Variants in TRAPPC12 observed in about 807,000 individuals in gnomAD.
The protein encoded by TRAPPC12 is trafficking protein particle complex subunit 12.
TRAPPC12 carries 61 observed loss-of-function variants against 69.2 expected under a neutral mutation model. That is an observed-to-expected ratio of 0.88 (90% confidence interval 0.72 to 1.09). TRAPPC12 has a LOEUF of 1.09. Ranked by LOEUF, TRAPPC12 falls within the 50% of genes least tolerant of loss-of-function variation. The pLI, the probability that TRAPPC12 is intolerant of heterozygous loss-of-function variation, is 0.00. For synonymous variants in TRAPPC12, 469 were observed against 438.9 expected, an observed-to-expected ratio of 1.07 and a Z score of -0.86; for missense variants, 1,101 against 1,016.4, an observed-to-expected ratio of 1.08 and a Z score of -1.13.
In TRAPPC12 at chr2:3,424,601, GAAA is replaced by G. The variant is rs1214473819; in HGVS notation, c.1356_1358del (p.Asn453del). 1.9e-6 allele frequency: 3 copies of G among 1,614,114 alleles called. No individual in the cohort carries two copies. The highest frequency in any genetic ancestry group is 1.7e-6 in the Non-Finnish European group (2 of 1,180,002). ...GCTGAGATGGAATTTGAACCCTTCG[GAAA>G]TCTTGATCAGCCAGATCTTTATTAC... On this transcript the variant is annotated inframe_deletion, in exon 5 of 12. Transcript: ENST00000324266.
Position 3,424,647 on chromosome 2 carries a change from G to T in TRAPPC12, c.1401G>T (p.Val467=). The change falls in exon 5 of 12, where the codon GTG becomes GTT. Residue 467 remains valine (V), a synonymous_variant. Transcript: ENST00000324266. Reference sequence around the variant, plus strand: ...TTTATTACGAGTACTACCCGCACGTGTACCCTGGGCGCAGGGGTAAGGCCA... The same window carrying T: ...TTTATTACGAGTACTACCCGCACGTTTACCCTGGGCGCAGGGGTAAGGCCA... ...PDLYYEYYPH[V]YPGRRGSMVP... 1 of 1,610,500 alleles carries T rather than the reference G, an allele frequency of 6.2e-7. No homozygotes were observed. Among genetic ancestry groups the T allele is most frequent in the Non-Finnish European group, 8.5e-7 (1 of 1,178,658 alleles).
rs375788222 is a variant in TRAPPC12 at position 3,387,677 on chromosome 2, C to A, written c.54C>A (p.Pro18=). The A allele has an allele frequency of 1.1e-5, 17 of 1,558,240 alleles. No individual in the cohort carries two copies. The highest frequency in any genetic ancestry group is 2.4e-5 in the South Asian group (2 of 84,656). ...CCCCGGCCCCGGAGGCCCCGCACCC[C>A]CCTCAGCTCGCGCCTCCGGAGGAGC... ...EETPAPEAPH[P]PQLAPPEEQG... The change falls in exon 2 of 12, where the codon CCC becomes CCA. Residue 18 remains proline, a synonymous_variant. Transcript: ENST00000324266.
At chr2:3,478,567 G>A (rs1666398102) in intron 10 of TRAPPC12, 1 of 273,612 alleles carries the variant, frequency 3.7e-6, no homozygotes, top group Non-Finnish European at 6.9e-6. Flanking sequence ...CCAGGAGGCG[G>A]AGGTTGCGGT....
chr2:3,383,463 A>G (rs1251450115), intron 1 of TRAPPC12, among the ~76,000 whole-genome samples: 5 of 144,440 alleles, frequency 3.5e-5, no homozygotes, highest in South Asian at 2.2e-4. Flanking sequence ...TCGTGCCTCA[A>G]TCTTGGCTCA....
intron 7 of TRAPPC12, among the ~76,000 whole-genome samples, chr2:3,458,927 T>C (rs1233624659): frequency 2.0e-5 from 3 of 152,196 alleles, no homozygotes; most frequent in Non-Finnish European, 4.4e-5. Flanking sequence ...AGAGAAGATA[T>C]TCAGAATTTC....
At chr2:3,420,583 C>T (rs761761063) in intron 3 of TRAPPC12, among the ~76,000 whole-genome samples, 5 of 152,246 alleles carry the variant, frequency 3.3e-5, no homozygotes, top group Middle Eastern at 3.4e-3. Context: ...GTCAGAACCC[C>T]GGAAGACACA....
chr2:3,425,829 G>T (rs1428422283), intron 5 of TRAPPC12, among the ~76,000 whole-genome samples: 2 of 152,186 alleles, frequency 1.3e-5, no homozygotes, highest in Non-Finnish European at 2.9e-5. Flanking sequence ...AGAAGTCTCA[G>T]AAAATTTAAA....
intron 9 of TRAPPC12, chr2:3,467,459 G>A (rs1665869691): frequency 6.6e-6 from 1 of 152,206 alleles, no homozygotes; most frequent in African/African-American, 2.4e-5. Flanking sequence ...CTAGCTATTT[G>A]GGATATCTCT....
rs767405624 is a variant in TRAPPC12 at position 3,388,451 on chromosome 2, G to C, written c.828G>C (p.Ser276=). The C allele has an allele frequency of 6.2e-7, 1 of 1,610,570 alleles. No homozygotes were observed. The change falls in exon 2 of 12, where the codon TCG becomes TCC. Residue 276 remains serine (S), a synonymous_variant. Coordinates refer to ENST00000324266, the MANE Select transcript of TRAPPC12 (RefSeq NM_016030.6). The part of the protein sequence containing the change: ...RGPQAAAPPA[S]PEPFAHIQAV... ...CCCAGGCAGCTGCGCCCCCGGCGTC[G>C]CCAGAGCCTTTCGCGCACATCCAGG...
At chr2:3,384,217 A>G (rs536043707) in intron 1 of TRAPPC12, among the ~76,000 whole-genome samples, 76 of 152,242 alleles carry the variant, frequency 5.0e-4, no homozygotes, top group African/African-American at 1.8e-3. Flanking sequence ...TCTTTATACC[A>G]TAGATTTTTG....
chr2:3,388,336 C>A lies in TRAPPC12; in HGVS notation c.713C>A (p.Pro238His), dbSNP rs1475335617. The A allele has an allele frequency of 1.1e-5, 17 of 1,594,302 alleles. No individual in the cohort carries two copies. The African/African-American group carries it at 2.2e-4, about 20-fold the overall frequency. The stretch of plus-strand genomic sequence containing the variant: ...TCCGCCTTCATTTCCGTCAGCAATC[C>A]CGGCGCGGGCTCCCCGGCCCCCGCC... ...TTSAFISVSN[P>H]GAGSPAPASP... The change falls in exon 2 of 12, where the codon CCC becomes CAC. Residue 238 changes from proline (P) to histidine (H), a missense_variant. Physicochemically the swap from Pro to His is moderately conservative, Grantham distance 77. Transcript: ENST00000324266.
chr2:3,446,813 C>T (rs1572173599), intron 6 of TRAPPC12, among the ~76,000 whole-genome samples: 2 of 152,340 alleles, frequency 1.3e-5, no homozygotes, highest in Non-Finnish European at 2.9e-5. Context: ...AACGCAGCCT[C>T]GCCCTCAGTG....
chr2:3,380,807 G>A (rs1239133172), intron 1 of TRAPPC12, among the ~76,000 whole-genome samples: 1 of 152,204 alleles, frequency 6.6e-6, no homozygotes, highest in Non-Finnish European at 1.5e-5. Context: ...TACTATGCTT[G>A]TGTCTGTGCA....
At chr2:3,383,663 C>G (rs960730843) in intron 1 of TRAPPC12, among the ~76,000 whole-genome samples, 1 of 151,896 alleles carries the variant, frequency 6.6e-6, no homozygotes, top group Admixed American at 6.6e-5. Context: ...CCCCGGCCTC[C>G]GAAAGTGCTG....
chr2:3,410,034 A>C (rs934652703), intron 3 of TRAPPC12, among the ~76,000 whole-genome samples: 2 of 152,188 alleles, frequency 1.3e-5, no homozygotes, highest in African/African-American at 4.8e-5. Context: ...AGGGCTGCCC[A>C]GACTCTCTCT....
At chr2:3,394,973 ATGT>A (rs929877561) in intron 2 of TRAPPC12, among the ~76,000 whole-genome samples, 2 of 152,212 alleles carry the variant, frequency 1.3e-5, no homozygotes, top group African/African-American at 4.8e-5. Flanking sequence ...TAGCAAAATA[ATGT>A]TGGGAAAGCA....
intron 2 of TRAPPC12, among the ~76,000 whole-genome samples, chr2:3,396,507 A>C (rs925893285): frequency 2.6e-5 from 4 of 152,008 alleles, no homozygotes; most frequent in African/African-American, 9.7e-5. Context: ...AATTTGGGGA[A>C]ATTTGGGGTC....
rs140990435 is a variant in TRAPPC12, at chr2:3,389,398, G to A, written c.1047+728G>A. ...TAGGGGTCCGGGGGCTGCTCCAACC[G>A]CCAGCATAGGAGCAGGCTTCACACG... is the stretch of plus-strand genomic sequence containing the variant. On this transcript the variant is annotated intron_variant, in intron 2 of 11. Coordinates refer to ENST00000324266, the MANE Select transcript of TRAPPC12 (RefSeq NM_016030.6). Among the ~76,000 whole-genome samples the A allele has an allele frequency of 9.2e-5, 14 of 152,338 alleles. No homozygotes were observed. The East Asian group carries it at 2.7e-3, about 29-fold the overall frequency.
At chr2:3,473,533 G>A (rs1377533720) in intron 9 of TRAPPC12, among the ~76,000 whole-genome samples, 7 of 152,252 alleles carry the variant, frequency 4.6e-5, no homozygotes, top group Admixed American at 4.6e-4. Context: ...ACACTGGAGT[G>A]CAGAGGCGCA....
Sources: allele counts gnomAD v4.1 joint callset (sites outside exome capture counted in the v4.1 genomes callset), GRCh38; gene constraint gnomAD v4.1.1; transcripts MANE v1.5; gene names NCBI Gene and HGNC (gene_info 2026-07-23, HGNC 2026-07-21).